The following ZMYND8 variants were observed in gnomAD, a reference collection of about 807,000 sequenced individuals.
ZMYND8 encodes MYND-type zinc finger-containing chromatin reader ZMYND8.
ZMYND8 carries 37 observed loss-of-function variants against 140.8 expected under a neutral mutation model. The observed-to-expected ratio is 0.26, with a 90% CI of 0.20 to 0.35. The LOEUF (loss-of-function observed/expected upper bound fraction) is 0.35, where lower values mean the gene tolerates loss of function less well. ZMYND8 is among the 10% of genes least tolerant of loss of function. The pLI is 1.00. For missense variants in ZMYND8, 1,068 were observed against 1,570.0 expected (o/e 0.68, Z 5.40); for synonymous variants, 592 against 597.1 (o/e 0.99, Z 0.12).
rs1341806981 is a variant in ZMYND8 at position 47,340,444 on chromosome 20, A to C, written c.85+7412T>G. 3.9e-5 allele frequency among the ~76,000 whole-genome samples: 6 copies of C among 152,080 alleles called. No individual in the cohort carries two copies. The East Asian group carries it at 1.2e-3, about 29-fold the overall frequency. Reference sequence around the variant, plus strand: ...TAGTGTACTATGATGGCAACTGTGAATAACCACTGCACTACACTGCAGCCT... The same window carrying C: ...TAGTGTACTATGATGGCAACTGTGACTAACCACTGCACTACACTGCAGCCT... On this transcript the variant is annotated intron_variant, in intron 2 of 22. Transcript: ENST00000471951.
rs868482389 is a variant in ZMYND8, at chr20:47,340,395, C to T, written c.85+7461G>A. On this transcript the variant is annotated intron_variant, in intron 2 of 22. Coordinates refer to ENST00000471951, the MANE Select transcript of ZMYND8 (RefSeq NM_001281775.3). ...TCGGGAGGCTGAAGCAAGAGAATCA[C>T]CTGAGCCCAGGAGTTAGAGGCTATA... Among the ~76,000 whole-genome samples the T allele has an allele frequency of 1.4e-4, 21 of 152,164 alleles. No homozygotes were observed. The Middle Eastern group carries it at 0.021, about 149-fold the overall frequency.
intron 3 of ZMYND8, among the ~76,000 whole-genome samples, chr20:47,303,794 C>T (rs2078267592): frequency 6.6e-6 from 1 of 152,178 alleles, no homozygotes; most frequent in Non-Finnish European, 1.5e-5. Flanking sequence ...GGTACTGATC[C>T]TCCAAAATTA....
intron 1 of ZMYND8, chr20:47,352,466 T>A (rs1169752936): frequency 1.0e-6 from 1 of 985,254 alleles, no homozygotes; most frequent in African/African-American, 1.7e-5. Flanking sequence ...CCTTATCCAA[T>A]GCACAGGATA....
At chr20:47,244,233 T>A (rs1043390082) in intron 14 of ZMYND8, among the ~76,000 whole-genome samples, 2 of 152,242 alleles carry the variant, frequency 1.3e-5, no homozygotes, top group African/African-American at 4.8e-5. Flanking sequence ...AGTTAGCTCC[T>A]GATAGAAGTT....
chr20:47,290,004 A>G (rs1262368174), intron 7 of ZMYND8, among the ~76,000 whole-genome samples, 183 bp downstream of exon 7: 1 of 152,250 alleles, frequency 6.6e-6, no homozygotes, highest in Non-Finnish European at 1.5e-5. Flanking sequence ...GCTGCAAGCC[A>G]CTTTAGATGT....
Position 47,235,364 on chromosome 20 carries a change from G to A in ZMYND8, c.2856+962C>T, listed in dbSNP as rs534287665. 7.3e-4 allele frequency among the ~76,000 whole-genome samples: 111 copies of A among 152,212 alleles called. 1 individual carries two copies. The highest frequency in any genetic ancestry group is 2.6e-3 in the African/African-American group (107 of 41,510). On this transcript the variant is annotated intron_variant, in intron 16 of 22. Transcript: ENST00000471951. ...TCAGTCCAGCGCACTCTCACATGAC[G>A]CTGAGAACTGCAGATGGTATCTACC...
chr20:47,317,939 C>T (rs779242016), intron 2 of ZMYND8, among the ~76,000 whole-genome samples: 4 of 152,132 alleles, frequency 2.6e-5, no homozygotes, highest in East Asian at 1.9e-4. Context: ...TCACGTAAAG[C>T]TCTTAGTATA....
intron 22 of ZMYND8, among the ~76,000 whole-genome samples, chr20:47,212,227 T>C (rs2035374126): frequency 6.6e-6 from 1 of 152,140 alleles, no homozygotes; most frequent in African/African-American, 2.4e-5. Flanking sequence ...CAGCGGGTAC[T>C]GGAAGAAATG....
intron 12 of ZMYND8, among the ~76,000 whole-genome samples, chr20:47,255,651 A>C (rs2074564033): frequency 7.2e-6 from 1 of 138,588 alleles, no homozygotes; most frequent in Admixed American, 7.4e-5. Flanking sequence ...TACCATATAC[A>C]TATACTCAGT....
intron 17 of ZMYND8, among the ~76,000 whole-genome samples, chr20:47,229,354 A>G (rs891642968): frequency 9.9e-5 from 15 of 152,108 alleles, no homozygotes; most frequent in Non-Finnish European, 2.2e-4. Context: ...TGGAGACTCC[A>G]GTACACAAAT....
At chr20:47,332,874 T>A (rs921808543) in intron 2 of ZMYND8, among the ~76,000 whole-genome samples, 2 of 152,094 alleles carry the variant, frequency 1.3e-5, no homozygotes, top group Non-Finnish European at 2.9e-5. Context: ...CGCAGCATTA[T>A]CCCTACTAGC....
intron 12 of ZMYND8, among the ~76,000 whole-genome samples, chr20:47,249,808 C>T (rs1384731261): frequency 6.6e-5 from 10 of 152,192 alleles, no homozygotes; most frequent in Admixed American, 6.5e-5. Flanking sequence ...CAAAGCAACA[C>T]TGAGCCTGGT....
rs1555897566 is a variant in ZMYND8 at position 47,238,805 on chromosome 20, G to GGCTGCTGCTGCTGGTTTTGCT, written c.2597_2617dup (p.Gln866_Gln872dup). ...ATATCTCGTCCCCTGGGAAGACTGAGGCTGCTGCTGCTGGTTTTGCTGCTG... is the reference window on the plus strand; with the variant it reads ...ATATCTCGTCCCCTGGGAAGACTGAGGCTGCTGCTGCTGGTTTTGCTGCTGCTGCTGCTGGTTTTGCTGCTG... On this transcript the variant is annotated inframe_insertion, in exon 15 of 23. Transcript: ENST00000471951. The GGCTGCTGCTGCTGGTTTTGCT allele has an allele frequency of 8.9e-5, 143 of 1,612,956 alleles. No homozygotes were observed. The highest frequency in any genetic ancestry group is 1.2e-4 in the Non-Finnish European group (138 of 1,180,010).
intron 15 of ZMYND8, 150 bp downstream of exon 15, chr20:47,238,608 T>A (rs747406744): frequency 7.3e-7 from 1 of 1,375,768 alleles, no homozygotes; most frequent in South Asian, 1.4e-5. Context: ...TTAAAAATAA[T>A]GCCAAATGGA....
At position 47,313,405 on chromosome 20, in the gene ZMYND8, A is replaced by ATG. The variant is rs1265189166; in HGVS notation, c.86-3202_86-3201insCA. 5.3e-5 allele frequency among the ~76,000 whole-genome samples: 8 copies of ATG among 150,902 alleles called. No homozygotes were observed. In the East Asian group the frequency reaches 1.4e-3, roughly 26 times the overall value. On this transcript the variant is annotated intron_variant, in intron 2 of 22. Coordinates refer to ENST00000471951, the MANE Select transcript of ZMYND8 (RefSeq NM_001281775.3). ...TGGGAGGCCAAGGCGGGCGGATTACAAAGTCAGGAGATCGAGACCATCCTG... is the reference window on the plus strand; with the variant it reads ...TGGGAGGCCAAGGCGGGCGGATTACATGAAGTCAGGAGATCGAGACCATCCTG...
intron 3 of ZMYND8, among the ~76,000 whole-genome samples, chr20:47,308,959 G>A (rs532945228): frequency 6.6e-6 from 1 of 152,286 alleles, no homozygotes; most frequent in African/African-American, 2.4e-5. Context: ...AATCACTGCT[G>A]AAGAACAAGT....
chr20:47,294,755 C>T lies in ZMYND8; in HGVS notation c.478G>A (p.Glu160Lys), dbSNP rs1482868691. 4 of 1,613,968 alleles carry T rather than the reference C, an allele frequency of 2.5e-6. No individual in the cohort carries two copies. Reference protein sequence around the residue: ...CEKITVAECIETQSKAMTMLT... With the variant: ...CEKITVAECIKTQSKAMTMLT... ...ATTGTCATGGCTTTACTCTGGGTCT[C>T]GATGCATTCTGCTACTGTAATTTTC... Residue 160 changes from glutamate to lysine, a missense_variant, in exon 5 of 23, where the codon GAG becomes AAG. By Grantham distance (56) the Glu-to-Lys change is moderately conservative. This residue lies in a region of ZMYND8 where 109 missense variants were observed against 314.9 expected (regional missense o/e 0.35). Transcript: ENST00000471951.
At chr20:47,296,320 T>G (rs1434220743) in intron 4 of ZMYND8, among the ~76,000 whole-genome samples, 1 of 152,142 alleles carries the variant, frequency 6.6e-6, no homozygotes, top group South Asian at 2.1e-4. Context: ...GCACCACATA[T>G]GCAATTTTCA....
intron 11 of ZMYND8, among the ~76,000 whole-genome samples, chr20:47,273,304 G>A (rs148389524): frequency 5.9e-5 from 9 of 152,240 alleles, no homozygotes; most frequent in East Asian, 5.8e-4. Flanking sequence ...TGGACACCTC[G>A]GGAGACTGAG....
Sources: gnomAD v4.1 joint callset for allele counts (sites outside exome capture counted in the v4.1 genomes callset) on GRCh38, gnomAD v4.1.1 for gene constraint, gnomAD v4.1.1 regional missense constraint, MANE v1.5 for transcripts, NCBI Gene and HGNC (gene_info 2026-07-23, HGNC 2026-07-21) for gene names.